SSPN: variants seen among roughly 807,000 people sequenced by gnomAD.
SSPN encodes K-ras oncogene-associated protein.
In SSPN, 15 loss-of-function variants were observed where a neutral mutation model predicts 19.1. The observed-to-expected ratio is 0.78, with a 90% CI of 0.52 to 1.21. The LOEUF (loss-of-function observed/expected upper bound fraction) is 1.21, where lower values mean the gene tolerates loss of function less well. Ranked by LOEUF, SSPN falls within the 50% of genes most tolerant of loss-of-function variation. The probability of loss-of-function intolerance (pLI) is 0.00; values close to 1 mark genes in which losing one functional copy is unlikely to be tolerated. For missense variants in SSPN, 291 were observed against 314.0 expected, an observed-to-expected ratio of 0.93 and a Z score of 0.55; for synonymous variants, 147 against 140.3, an observed-to-expected ratio of 1.05 and a Z score of -0.34.
intron 1 of SSPN, among the ~76,000 whole-genome samples, chr12:26,212,461 A>G (rs1289230371): frequency 6.6e-6 from 1 of 152,182 alleles, no homozygotes; most frequent in Admixed American, 6.6e-5. Context: ...TTTAAAAATA[A>G]TCTCGCATGT....
chr12:26,178,267 C>T (rs967364378), intron 1 of SSPN, among the ~76,000 whole-genome samples: 10 of 152,250 alleles, frequency 6.6e-5, no homozygotes, highest in South Asian at 2.1e-4. Context: ...TTAACTTCTC[C>T]GTGTGCTTTG....
chr12:26,228,412 G>A (rs1945198758), intron 2 of SSPN, among the ~76,000 whole-genome samples: 1 of 151,606 alleles, frequency 6.6e-6, no homozygotes, highest in Non-Finnish European at 1.5e-5. Context: ...AAGGATGTAT[G>A]TATGTTAGAG....
At chr12:26,171,056 A>G (rs1372994553) in intron 1 of SSPN, among the ~76,000 whole-genome samples, 1 of 152,202 alleles carries the variant, frequency 6.6e-6, no homozygotes, top group African/African-American at 2.4e-5. Context: ...TAGTGATGAG[A>G]TTCAAACCCT....
At chr12:26,177,019 A>C (rs1462456693) in intron 1 of SSPN, among the ~76,000 whole-genome samples, 4 of 152,212 alleles carry the variant, frequency 2.6e-5, no homozygotes, top group African/African-American at 9.6e-5. Context: ...GGGACTTTGC[A>C]AGGTTTTCCT....
At position 26,195,693 on chromosome 12, in the gene SSPN, A is replaced by G. The variant is rs1193427828; in HGVS notation, c.21A>G (p.Pro7=). The G allele has an allele frequency of 4.5e-6, 5 of 1,106,636 alleles. No homozygotes were observed. In the African/African-American group the frequency reaches 8.5e-5, roughly 19 times the overall value. The allele number at this position is 1,106,636 out of a possible 1,614,324, so 68.6% of individuals were successfully genotyped here. MGKNKQ[P]RGQQRQGGPP... is the part of the protein sequence containing the mutation. Reference sequence around the variant, plus strand: ...GCGCCATGGGCAAGAACAAGCAGCCACGCGGCCAGCAGAGGCAGGGGGGCC... The same window carrying G: ...GCGCCATGGGCAAGAACAAGCAGCCGCGCGGCCAGCAGAGGCAGGGGGGCC... Residue 7 remains proline, a synonymous_variant, in exon 1 of 3, where the codon CCA becomes CCG. Transcript: ENST00000242729.
intron 1 of SSPN, among the ~76,000 whole-genome samples, chr12:26,135,260 T>TAACC (rs1944418876): frequency 1.3e-5 from 2 of 151,960 alleles, no homozygotes; most frequent in Admixed American, 6.6e-5. Context: ...GCTGAGTGGA[T>TAACC]CACAGGAGGG....
intron 1 of SSPN, among the ~76,000 whole-genome samples, chr12:26,177,499 A>G (rs1005693411): frequency 6.6e-6 from 1 of 152,160 alleles, no homozygotes; most frequent in Admixed American, 6.5e-5. Flanking sequence ...GAAGTTCCCC[A>G]GGCATCACAC....
chr12:26,155,873 TTG>T (rs1944553114), intron 1 of SSPN, among the ~76,000 whole-genome samples: 1 of 152,160 alleles, frequency 6.6e-6, no homozygotes, highest in Admixed American at 6.5e-5. Flanking sequence ...AGAAGTTTCC[TTG>T]TGATAGAGCT....
At chr12:26,213,529 G>T (rs1216591533) in intron 1 of SSPN, among the ~76,000 whole-genome samples, 1 of 151,720 alleles carries the variant, frequency 6.6e-6, no homozygotes, top group African/African-American at 2.4e-5. Context: ...GGCCCATTTT[G>T]CTGTAATACT....
At chr12:26,200,860 G>A (rs562595327) in intron 1 of SSPN, among the ~76,000 whole-genome samples, 3 of 151,640 alleles carry the variant, frequency 2.0e-5, no homozygotes, top group Non-Finnish European at 4.4e-5. Flanking sequence ...GTTAGGAACT[G>A]AGGAGAGATA....
intron 2 of SSPN, among the ~76,000 whole-genome samples, chr12:26,229,384 A>G (rs887920416): frequency 1.3e-5 from 2 of 152,230 alleles, no homozygotes; most frequent in African/African-American, 2.4e-5. Flanking sequence ...ACACCCACAC[A>G]TACATGCACA....
intron 1 of SSPN, chr12:26,122,318 C>G (rs1170610200): frequency 5.1e-6 from 6 of 1,169,674 alleles, no homozygotes; most frequent in Non-Finnish European, 6.3e-6. Context: ...CGGCGGCTGC[C>G]GCGGCTGCCG....
chr12:26,137,636 G>GTGTATATA (rs1555175653), intron 1 of SSPN, among the ~76,000 whole-genome samples: 4 of 31,376 alleles, frequency 1.3e-4, no homozygotes, highest in African/African-American at 3.8e-4. Flanking sequence ...GTGTGTGTAT[G>GTGTATATA]TATATATATA....
intron 1 of SSPN, among the ~76,000 whole-genome samples, chr12:26,211,975 CCAAT>C (rs1944991987): frequency 6.6e-6 from 1 of 152,164 alleles, no homozygotes; most frequent in African/African-American, 2.4e-5. Context: ...TCTTTACCAA[CCAAT>C]CAGAACTTTT....
At chr12:26,203,208 A>G (rs1009953042) in intron 1 of SSPN, among the ~76,000 whole-genome samples, 1 of 152,232 alleles carries the variant, frequency 6.6e-6, no homozygotes, top group African/African-American at 2.4e-5. Flanking sequence ...ACCATATCAG[A>G]CAGGAATGTA....
At chr12:26,183,202 T>A (rs1398437339) in intron 1 of SSPN, among the ~76,000 whole-genome samples, 1 of 152,238 alleles carries the variant, frequency 6.6e-6, no homozygotes, top group East Asian at 1.9e-4. Flanking sequence ...CAATTCAGAA[T>A]AAGAACCGCA....
At chr12:26,124,646 T>C (rs1373078719) in intron 1 of SSPN, 62 of 1,611,610 alleles carry the variant, frequency 3.8e-5, no homozygotes, top group Non-Finnish European at 4.8e-5. Flanking sequence ...GCCAGCTCCA[T>C]ACCACTTTCT....
In SSPN at chr12:26,201,021, A is replaced by ATATATATATATAT. The variant is rs1565685370; in HGVS notation, c.279+5071_279+5083dup. Among the ~76,000 whole-genome samples, 58 of 43,742 alleles carry ATATATATATATAT rather than the reference A, an allele frequency of 1.3e-3. 1 individual carries two copies. The highest frequency in any genetic ancestry group is 0.011 in the Middle Eastern group (1 of 88). 28.7% of individuals were successfully genotyped at this position (43,742 alleles called of 152,430 possible). ...AAGAAGTTAATTTGTGTATATATAT[A>ATATATATATATAT]TATATATATATATATATATATATAT... is the stretch of plus-strand genomic sequence containing the variant. On this transcript the variant is annotated intron_variant, in intron 1 of 2. Coordinates refer to ENST00000242729, the MANE Select transcript of SSPN (RefSeq NM_005086.5).
chr12:26,183,395 T>G (rs1944732307), intron 1 of SSPN, among the ~76,000 whole-genome samples: 1 of 152,256 alleles, frequency 6.6e-6, no homozygotes, highest in Non-Finnish European at 1.5e-5. Context: ...ATTACTGGCA[T>G]GAGCCACTGC....
Sources: gnomAD v4.1 joint callset for allele counts (sites outside exome capture counted in the v4.1 genomes callset) on GRCh38, gnomAD v4.1.1 for gene constraint, MANE v1.5 for transcripts, NCBI Gene and HGNC (gene_info 2026-07-23, HGNC 2026-07-21) for gene names.